Variants in PATL1 observed in about 807,000 individuals in gnomAD.
The protein encoded by PATL1 is PAT1 homolog 1, processing body mRNA decay factor, also known as protein PAT1 homolog 1.
In PATL1, 32 loss-of-function variants were observed where a neutral mutation model predicts 100.6. The ratio of observed to expected loss-of-function variants is 0.32; its 90% CI spans 0.24 to 0.43. The LOEUF (loss-of-function observed/expected upper bound fraction) is 0.43, where lower values mean the gene tolerates loss of function less well. Among genes scored for constraint, PATL1 ranks in the 20% least tolerant of loss-of-function variants. PATL1 has a pLI of 1.00. For missense variants in PATL1, 747 were observed against 949.9 expected, an observed-to-expected ratio of 0.79 and a Z score of 2.81; for synonymous variants, 332 against 330.0, an observed-to-expected ratio of 1.01 and a Z score of -0.07.
chr11:59,668,639 C>A (rs986149471), intron 1 of PATL1, among the ~76,000 whole-genome samples: 1 of 152,064 alleles, frequency 6.6e-6, no homozygotes, highest in Non-Finnish European at 1.5e-5. Flanking sequence ...CGGGCCCTCC[C>A]CACCCCAAAA....
In PATL1 at chr11:59,657,655, G is replaced by C. The variant is rs754444282; in HGVS notation, c.496C>G (p.Arg166Gly). 2 of 1,613,678 alleles carry C rather than the reference G, an allele frequency of 1.2e-6. No homozygotes were observed. Among genetic ancestry groups the C allele is most frequent in the Admixed American group, 3.3e-5 (2 of 60,008 alleles). The change falls in exon 5 of 19, where the codon CGG becomes GGG. Residue 166 changes from arginine (R) to glycine (G), a missense_variant. Arg to Gly is a moderately radical substitution (Grantham distance 125). This residue lies in a region of PATL1 where 183 missense variants were observed against 221.2 expected (regional missense o/e 0.83). Coordinates refer to ENST00000300146, the MANE Select transcript of PATL1 (RefSeq NM_152716.3). ...GGTAATGCTCGTTCAGAAAGGTCCC[G>C]ATCATCTTCTGGACCCTGGGGGGGC... The part of the protein sequence containing the change: ...QRPPQGPEDD[R>G]DLSERALPRR...
intron 6 of PATL1, 86 bp from the exon 7 acceptor site, chr11:59,656,131 T>C: frequency 4.0e-6 from 3 of 755,352 alleles, no homozygotes; most frequent in Non-Finnish European, 6.0e-6. Flanking sequence ...AAATGCAGTA[T>C]AAACTTGGAT....
rs1038441548 is a variant in PATL1 at position 59,669,004 on chromosome 11, G to A, written c.-109C>T. 5 of 273,226 alleles carry A rather than the reference G, an allele frequency of 1.8e-5. No individual in the cohort carries two copies. Among genetic ancestry groups the A allele is most frequent in the Non-Finnish European group, 2.8e-5 (4 of 142,026 alleles). 16.9% of individuals were successfully genotyped at this position (273,226 alleles called of 1,614,324 possible). The stretch of plus-strand genomic sequence containing the variant: ...GTCCTCCACCGGCTCGCGACCCCTG[G>A]CCGCCGCCGTACGCCGGAGCGTGCG... On this transcript the variant is annotated 5_prime_UTR_variant, in exon 1 of 19. Coordinates refer to ENST00000300146, the MANE Select transcript of PATL1 (RefSeq NM_152716.3).
At chr11:59,667,117 C>T in intron 1 of PATL1, 153 bp from the exon 2 acceptor site, 1 of 976,664 alleles carries the variant, frequency 1.0e-6, no homozygotes, top group Non-Finnish European at 1.2e-6. Context: ...TCCCAATTTC[C>T]CTGACACTGG....
intron 2 of PATL1, among the ~76,000 whole-genome samples, chr11:59,665,046 C>T (rs527237590): frequency 6.6e-6 from 1 of 152,208 alleles, no homozygotes; most frequent in Non-Finnish European, 1.5e-5. Context: ...CTAACCCATG[C>T]CTATAATCCA....
chr11:59,648,224 TAC>T (rs1861391434), intron 14 of PATL1, among the ~76,000 whole-genome samples: 3 of 150,492 alleles, frequency 2.0e-5, no homozygotes, highest in Non-Finnish European at 3.0e-5. Flanking sequence ...CCCGCTTTGT[TAC>T]CCAGGCTGGA....
intron 2 of PATL1, 144 bp from the exon 3 acceptor site, chr11:59,659,613 C>T (rs1354716663): frequency 1.4e-6 from 1 of 709,604 alleles, no homozygotes; most frequent in Non-Finnish European, 2.3e-6. Context: ...CTCACCGCAA[C>T]CTCCACCTCC....
At chr11:59,657,760 A>C (rs762828525) in intron 4 of PATL1, 36 bp from the exon 5 acceptor site, 1 of 1,484,328 alleles carries the variant, frequency 6.7e-7, no homozygotes, top group East Asian at 2.3e-5. Context: ...ATAGAAATTA[A>C]CTAACTTGGT....
chr11:59,638,197 C>T lies in PATL1; in HGVS notation c.*193G>A, dbSNP rs1861221200. The T allele has an allele frequency of 4.9e-6, 3 of 612,272 alleles. No individual in the cohort carries two copies. Among genetic ancestry groups the T allele is most frequent in the Non-Finnish European group, 8.7e-6 (3 of 345,786 alleles). The allele number at this position is 612,272 out of a possible 1,614,324, so 37.9% of individuals were successfully genotyped here. ...TAAAGAAACCAGCAGAAGTATCACC[C>T]AGCCAAATTTCATAGAGCAGTGGGG... On this transcript the variant is annotated 3_prime_UTR_variant, in exon 19 of 19. Coordinates refer to ENST00000300146, the MANE Select transcript of PATL1 (RefSeq NM_152716.3).
At position 59,658,912 on chromosome 11, in the gene PATL1, T is replaced by G; in HGVS notation, c.380A>C (p.Asp127Ala). The G allele has an allele frequency of 6.5e-7, 1 of 1,550,208 alleles. No homozygotes were observed. The highest frequency in any genetic ancestry group is 8.7e-7 in the Non-Finnish European group (1 of 1,146,684). The change falls in exon 4 of 19, where the codon GAT becomes GCT. Residue 127 changes from aspartate (D) to alanine (A), a missense_variant. This residue lies in a region of PATL1 where 183 missense variants were observed against 221.2 expected (regional missense o/e 0.83). Transcript: ENST00000300146. ...GATTCGCCTCAGAACTTCAGATCCA[T>G]CCCAGATACTGGAATTCAGACTTCC... ...QPGSLNSSIW[D>A]GSEVLRRIRG...
chr11:59,668,979 G>A lies in PATL1; in HGVS notation c.-84C>T, dbSNP rs1423877061. ...GACTCCCCGGCTCCTCCGCGCGCGG[G>A]TCCTCCACCGGCTCGCGACCCCTGG... On this transcript the variant is annotated 5_prime_UTR_variant, in exon 1 of 19. Coordinates refer to ENST00000300146, the MANE Select transcript of PATL1 (RefSeq NM_152716.3). The A allele has an allele frequency of 3.2e-6, 1 of 312,486 alleles. No individual in the cohort carries two copies. Among genetic ancestry groups the A allele is most frequent in the East Asian group, 5.5e-5 (1 of 18,320 alleles). The allele number at this position is 312,486 out of a possible 1,614,324, so 19.4% of individuals were successfully genotyped here.
chr11:59,652,365 T>C, intron 11 of PATL1, 99 bp downstream of exon 11: 1 of 1,440,032 alleles, frequency 6.9e-7, no homozygotes. Context: ...TTGAAACATC[T>C]TTGCATATCC....
intron 1 of PATL1, among the ~76,000 whole-genome samples, chr11:59,667,701 T>C (rs1264584441): frequency 6.6e-6 from 1 of 152,220 alleles, no homozygotes; most frequent in Non-Finnish European, 1.5e-5. Flanking sequence ...CAATACCAAC[T>C]ATGGCAGAGA....
intron 2 of PATL1, 29 bp downstream of exon 2, chr11:59,666,821 AGAT>A: frequency 1.3e-6 from 2 of 1,543,134 alleles, no homozygotes; most frequent in Non-Finnish European, 1.7e-6. Context: ...CAGGAGGCTA[AGAT>A]GATATTATAA....
chr11:59,668,667 C>T (rs1194260327), intron 1 of PATL1, among the ~76,000 whole-genome samples: 1 of 152,122 alleles, frequency 6.6e-6, no homozygotes, highest in Non-Finnish European at 1.5e-5. Context: ...CAACTTTCCC[C>T]AGCGGCAACT....
intron 1 of PATL1, 143 bp from the exon 2 acceptor site, chr11:59,667,107 TC>T (rs1382017026): frequency 4.6e-5 from 65 of 1,414,538 alleles, no homozygotes; most frequent in Middle Eastern, 4.0e-4. Context: ...TTTTTCTACT[TC>T]CCAATTTCCC....
rs1590700455 is a variant in PATL1, at chr11:59,654,114, A to G, written c.1032-42T>C. ...AGAGGTTCTCAGTTTGGTCATCCTG[A>G]TGACTTGAAATTTTAAAGAATGTTG... is the stretch of plus-strand genomic sequence containing the variant. On this transcript the variant is annotated intron_variant, in intron 8 of 18. Transcript: ENST00000300146. 9 of 1,505,678 alleles carry G rather than the reference A, an allele frequency of 6.0e-6. 1 individual carries two copies. The highest frequency in any genetic ancestry group is 2.8e-5 in the African/African-American group (2 of 72,586). The allele number at this position is 1,505,678 out of a possible 1,614,324, so 93.3% of individuals were successfully genotyped here.
chr11:59,665,329 T>A (rs1861672008), intron 2 of PATL1, among the ~76,000 whole-genome samples: 1 of 152,236 alleles, frequency 6.6e-6, no homozygotes, highest in South Asian at 2.1e-4. Flanking sequence ...ATTGCTAAAT[T>A]TTCTCTTTTT....
intron 2 of PATL1, among the ~76,000 whole-genome samples, chr11:59,661,204 G>A (rs1861620334): frequency 6.6e-6 from 1 of 152,102 alleles, no homozygotes; most frequent in Non-Finnish European, 1.5e-5. Context: ...CCCAACCTCA[G>A]CCTCCCAAGT....
Sources: allele counts gnomAD v4.1 joint callset (sites outside exome capture counted in the v4.1 genomes callset), GRCh38; gene constraint gnomAD v4.1.1; regional missense constraint gnomAD v4.1.1; transcripts MANE v1.5; gene names NCBI Gene and HGNC (gene_info 2026-07-23, HGNC 2026-07-21).